GALNT13: variants seen among roughly 807,000 people sequenced by gnomAD.
GALNT13 encodes polypeptide N-acetylgalactosaminyltransferase 13.
Under a neutral mutation model 64.2 loss-of-function variants are expected in GALNT13, and 28 were observed. The ratio of observed to expected loss-of-function variants is 0.44; its 90% CI spans 0.32 to 0.60. The LOEUF (loss-of-function observed/expected upper bound fraction) is 0.60, where lower values mean the gene tolerates loss of function less well. GALNT13 is among the 20% of genes least tolerant of loss of function. The pLI is 0.05. For synonymous variants in GALNT13, 214 were observed against 224.6 expected (o/e 0.95, Z 0.42); for missense variants, 577 against 669.8 (o/e 0.86, Z 1.53).
At chr2:153,136,779 TAGGG>T in the GALNT13 span, among the ~76,000 whole-genome samples, 2 of 151,746 alleles carry the variant, frequency 1.3e-5, no homozygotes, top group African/African-American at 4.8e-5. Context: ...GTCTCCAAAA[TAGGG>T]AGGATGTGTG....
chr2:153,203,943 G>A, the GALNT13 span, among the ~76,000 whole-genome samples: 1 of 152,142 alleles, frequency 6.6e-6, no homozygotes, highest in East Asian at 1.9e-4. Flanking sequence ...GTATGAGAAA[G>A]TAAAAGGCCA....
intron 8 of GALNT13, among the ~76,000 whole-genome samples, chr2:154,276,493 C>A (rs968829412): frequency 3.9e-5 from 6 of 152,154 alleles, no homozygotes; most frequent in Non-Finnish European, 7.3e-5. Context: ...ACCATTGCCT[C>A]CCAAAGTGCT....
At chr2:153,531,826 G>A in the GALNT13 span, among the ~76,000 whole-genome samples, 19 of 152,264 alleles carry the variant, frequency 1.2e-4, no homozygotes, top group Admixed American at 2.6e-4. Context: ...ATGCAAGTCC[G>A]AAACCCAGCA....
At chr2:153,527,356 A>G in the GALNT13 span, among the ~76,000 whole-genome samples, 2 of 152,206 alleles carry the variant, frequency 1.3e-5, no homozygotes, top group Non-Finnish European at 2.9e-5. Flanking sequence ...ATTGAAGTGG[A>G]AACCTTACAG....
chr2:154,153,974 A>G (rs1684240425), intron 4 of GALNT13, among the ~76,000 whole-genome samples: 1 of 152,178 alleles, frequency 6.6e-6, no homozygotes. Context: ...CCCTAGTGAG[A>G]TGAACCCGGT....
At chr2:153,469,847 A>G in the GALNT13 span, among the ~76,000 whole-genome samples, 1 of 152,086 alleles carries the variant, frequency 6.6e-6, no homozygotes, top group East Asian at 1.9e-4. Flanking sequence ...AGCTAGGTCC[A>G]GGGAAGGCAG....
intron 9 of GALNT13, among the ~76,000 whole-genome samples, chr2:154,368,173 T>C (rs1697478711): frequency 6.6e-6 from 1 of 151,574 alleles, no homozygotes; most frequent in Non-Finnish European, 1.5e-5. Flanking sequence ...AAAAAAAAAT[T>C]CTCTGGCTCT....
At chr2:153,323,124 A>G in the GALNT13 span, among the ~76,000 whole-genome samples, 1 of 152,106 alleles carries the variant, frequency 6.6e-6, no homozygotes, top group African/African-American at 2.4e-5. Flanking sequence ...AACAGTGTAA[A>G]AGCACTCTAT....
the GALNT13 span, among the ~76,000 whole-genome samples, chr2:153,449,260 G>C: frequency 1.3e-5 from 2 of 152,220 alleles, no homozygotes; most frequent in Admixed American, 1.3e-4. Context: ...TTTTATGGAA[G>C]CCCAAACCGA....
the GALNT13 span, among the ~76,000 whole-genome samples, chr2:153,496,779 G>C: frequency 6.6e-6 from 1 of 151,722 alleles, no homozygotes; most frequent in Non-Finnish European, 1.5e-5. Context: ...TGAGGTCAGT[G>C]GTTCAAGACC....
intron 3 of GALNT13, among the ~76,000 whole-genome samples, chr2:154,132,508 TATAAG>T (rs1233421794): frequency 6.6e-6 from 1 of 152,118 alleles, no homozygotes; most frequent in African/African-American, 2.4e-5. Context: ...CAGTACTGTA[TATAAG>T]ATATTTGTGG....
the GALNT13 span, among the ~76,000 whole-genome samples, chr2:153,310,284 T>C: frequency 5.3e-5 from 8 of 152,228 alleles, no homozygotes; most frequent in Non-Finnish European, 5.9e-5. Context: ...GTAAATTACA[T>C]TGATTTTTTT....
chr2:154,315,995 G>A (rs562134795), intron 9 of GALNT13, among the ~76,000 whole-genome samples: 15 of 152,304 alleles, frequency 9.8e-5, no homozygotes, highest in African/African-American at 3.4e-4. Context: ...GGCTGAGGCA[G>A]TAGAATCGCT....
intron 3 of GALNT13, among the ~76,000 whole-genome samples, chr2:154,098,343 AT>A (rs748568964): frequency 6.4e-4 from 96 of 149,912 alleles, no homozygotes; most frequent in Non-Finnish European, 1.1e-3. Context: ...TGAATGGATT[AT>A]TTTTTTTTCT....
chr2:153,377,587 C>T, the GALNT13 span, among the ~76,000 whole-genome samples: 7 of 152,238 alleles, frequency 4.6e-5, no homozygotes, highest in South Asian at 1.4e-3. Context: ...CTGCACACCT[C>T]GGCTTGCCTT....
rs562680550 is a variant in GALNT13, at chr2:154,337,726, A to G, written c.1156+36137A>G. ...ATTAATTGCCCAAGTCAAAATAAAA[A>G]TATAAACACAAATCTAAATTTAACA... On this transcript the variant is annotated intron_variant, in intron 9 of 12. Coordinates refer to ENST00000392825, the MANE Select transcript of GALNT13 (RefSeq NM_052917.4). Among the ~76,000 whole-genome samples the G allele has an allele frequency of 5.9e-5, 9 of 152,272 alleles. No homozygotes were observed. In the South Asian group the frequency reaches 1.9e-3, roughly 32 times the overall value.
chr2:153,642,917 A>G, the GALNT13 span, among the ~76,000 whole-genome samples: 1 of 151,686 alleles, frequency 6.6e-6, no homozygotes, highest in African/African-American at 2.4e-5. Context: ...ATAAAAACCC[A>G]TATATTTTAA....
the GALNT13 span, among the ~76,000 whole-genome samples, chr2:153,678,041 A>C: frequency 6.1e-5 from 9 of 147,210 alleles, no homozygotes; most frequent in Non-Finnish European, 1.3e-4. Flanking sequence ...TAACTAATTA[A>C]GCTAAAGATA....
the GALNT13 span, among the ~76,000 whole-genome samples, chr2:153,075,775 C>A: frequency 6.6e-6 from 1 of 152,012 alleles, no homozygotes; most frequent in African/African-American, 2.4e-5. Context: ...TAGGTAACCA[C>A]CAAAATATTT....
Sources: gnomAD v4.1 joint callset for allele counts (sites outside exome capture counted in the v4.1 genomes callset) on GRCh38, gnomAD v4.1.1 for gene constraint, MANE v1.5 for transcripts, NCBI Gene and HGNC (gene_info 2026-07-23, HGNC 2026-07-21) for gene names.